FHIP1A: variants seen among roughly 807,000 people sequenced by gnomAD.
FHIP1A encodes the protein FHF complex subunit HOOK interacting protein 1A.
Under a neutral mutation model 88.6 loss-of-function variants are expected in FHIP1A, and 61 were observed. That is an observed-to-expected ratio of 0.69 (90% confidence interval 0.56 to 0.85). The LOEUF (loss-of-function observed/expected upper bound fraction) is 0.85. FHIP1A is among the 40% of genes least tolerant of loss of function. The probability of loss-of-function intolerance (pLI) is 0.00; values close to 1 mark genes in which losing one functional copy is unlikely to be tolerated. For synonymous variants in FHIP1A, 478 were observed against 496.0 expected (o/e 0.96, Z 0.48); for missense variants, 1,154 against 1,273.5 (o/e 0.91, Z 1.43).
chr4:151,623,423 T>C (rs1366749310), intron 7 of FHIP1A, among the ~76,000 whole-genome samples: 1 of 151,708 alleles, frequency 6.6e-6, no homozygotes, highest in African/African-American at 2.4e-5. Context: ...TCATTTTCTA[T>C]AAGGGAGGTT....
At chr4:151,517,139 C>T (rs550229609) in intron 3 of FHIP1A, among the ~76,000 whole-genome samples, 6 of 152,218 alleles carry the variant, frequency 3.9e-5, no homozygotes, top group South Asian at 2.1e-4. Flanking sequence ...ATGATGAGTT[C>T]GTGTCCTTTG....
chr4:151,598,279 A>T (rs1734727587), intron 7 of FHIP1A, among the ~76,000 whole-genome samples: 1 of 152,108 alleles, frequency 6.6e-6, no homozygotes, highest in African/African-American at 2.4e-5. Context: ...TCCCTTGGCT[A>T]GGGGAGCGAG....
At position 151,649,582 on chromosome 4, in the gene FHIP1A, G is replaced by C; in HGVS notation, c.1541G>C (p.Cys514Ser). The C allele has an allele frequency of 6.4e-7, 1 of 1,551,720 alleles. No homozygotes were observed. Among genetic ancestry groups the C allele is most frequent in the African/African-American group, 1.4e-5 (1 of 73,176 alleles). Residue 514 changes from cysteine to serine, a missense_variant, in exon 11 of 14, where the codon TGC becomes TCC. Physicochemically the swap from Cys to Ser is moderately radical, Grantham distance 112. Coordinates refer to ENST00000435205, the MANE Select transcript of FHIP1A (RefSeq NM_001109977.3). ...LWEAHTNILR[C>S]MRDCRVWSAL... is the part of the protein sequence containing the mutation. ...GAGGCCCACACCAACATCCTCCGCTGCATGAGGGACTGCCGTGTCTGGTCC... is the reference window on the plus strand; with the variant it reads ...GAGGCCCACACCAACATCCTCCGCTCCATGAGGGACTGCCGTGTCTGGTCC...
chr4:151,651,156 A>G (rs1193247840), intron 11 of FHIP1A, among the ~76,000 whole-genome samples: 1 of 152,180 alleles, frequency 6.6e-6, no homozygotes, highest in Non-Finnish European at 1.5e-5. Context: ...CAAAATCTTT[A>G]TCCAAAAATA....
At chr4:151,417,759 C>A (rs1227946998) in intron 1 of FHIP1A, among the ~76,000 whole-genome samples, 1 of 152,194 alleles carries the variant, frequency 6.6e-6, no homozygotes, top group African/African-American at 2.4e-5. Flanking sequence ...ATTGCTTATT[C>A]TCTAACACTA....
At chr4:151,425,251 A>G (rs1225721645) in intron 1 of FHIP1A, among the ~76,000 whole-genome samples, 1 of 152,228 alleles carries the variant, frequency 6.6e-6, no homozygotes, top group Non-Finnish European at 1.5e-5. Context: ...ATGTCAAACC[A>G]TACCATAAAG....
At chr4:151,600,744 G>A (rs1186900519) in intron 7 of FHIP1A, among the ~76,000 whole-genome samples, 2 of 152,026 alleles carry the variant, frequency 1.3e-5, no homozygotes, top group African/African-American at 4.8e-5. Context: ...CTTCCACACA[G>A]CCTCTCCACA....
intron 3 of FHIP1A, among the ~76,000 whole-genome samples, chr4:151,510,798 A>G (rs1465974045): frequency 6.6e-6 from 1 of 152,244 alleles, no homozygotes. Context: ...CTACAGTAGA[A>G]TCTGGATGAA....
intron 3 of FHIP1A, among the ~76,000 whole-genome samples, chr4:151,494,645 C>T (rs1197611412): frequency 6.6e-6 from 1 of 152,034 alleles, no homozygotes; most frequent in Non-Finnish European, 1.5e-5. Flanking sequence ...ATTTCCTTGG[C>T]CATTTGGGCT....
At chr4:151,526,357 C>T (rs1378503734) in intron 3 of FHIP1A, among the ~76,000 whole-genome samples, 2 of 151,832 alleles carry the variant, frequency 1.3e-5, no homozygotes, top group African/African-American at 4.8e-5. Flanking sequence ...CCCCTCACCT[C>T]CCAGACGAGG....
chr4:151,657,436 T>G (rs1318122498), intron 13 of FHIP1A, among the ~76,000 whole-genome samples: 1 of 151,602 alleles, frequency 6.6e-6, no homozygotes, highest in Non-Finnish European at 1.5e-5. Flanking sequence ...TGCCTTTTTA[T>G]GGGCTCTAGA....
intron 3 of FHIP1A, among the ~76,000 whole-genome samples, chr4:151,538,716 C>T (rs1560755913): frequency 1.3e-5 from 2 of 152,134 alleles, no homozygotes; most frequent in Admixed American, 6.5e-5. Flanking sequence ...CAAGTTATGG[C>T]GGAACTGTGT....
rs1174652631 is a variant in FHIP1A at position 151,656,854 on chromosome 4, T to C, written c.2825T>C (p.Phe942Ser). 6.4e-7 allele frequency: 1 copy of C among 1,551,610 alleles called. No homozygotes were observed. Residue 942 changes from phenylalanine to serine, a missense_variant, in exon 13 of 14, where the codon TTC (phenylalanine) becomes TCC (serine). Transcript: ENST00000435205. This position sits in a 1 kb window ranked among gnomAD's most constrained non-coding sequence, Gnocchi z 4.2. ...LLIQAQQYLL[F>S]RVDMSDMTPA... ...ATTCAAGCTCAGCAGTACCTGCTCT[T>C]CCGTGTGGACATGTCTGATATGACC... is the stretch of plus-strand genomic sequence containing the variant.
intron 9 of FHIP1A, among the ~76,000 whole-genome samples, chr4:151,638,980 A>G (rs1344376608): frequency 1.3e-5 from 2 of 152,214 alleles, no homozygotes; most frequent in Admixed American, 6.5e-5. Flanking sequence ...TTAGAGGGCC[A>G]TATGCATTAT....
At chr4:151,539,817 A>C (rs1188449617) in intron 3 of FHIP1A, among the ~76,000 whole-genome samples, 4 of 152,200 alleles carry the variant, frequency 2.6e-5, no homozygotes, top group Non-Finnish European at 5.9e-5. Flanking sequence ...CTGATGAAAT[A>C]TGTGTGTGAA....
chr4:151,412,627 C>G (rs1404897079), intron 1 of FHIP1A, among the ~76,000 whole-genome samples: 1 of 125,084 alleles, frequency 8.0e-6, no homozygotes, highest in Non-Finnish European at 1.7e-5. Flanking sequence ...TCCCTCCCTC[C>G]CTCCCTCCCT....
At chr4:151,615,986 G>T (rs543675218) in intron 7 of FHIP1A, among the ~76,000 whole-genome samples, 1 of 152,290 alleles carries the variant, frequency 6.6e-6, no homozygotes, top group African/African-American at 2.4e-5. Flanking sequence ...AGAATTTCCT[G>T]TGCAGGGTTC....
chr4:151,644,758 C>CTGCCT (rs2126901078), intron 9 of FHIP1A, among the ~76,000 whole-genome samples: 1 of 152,274 alleles, frequency 6.6e-6, no homozygotes, highest in East Asian at 1.9e-4. Flanking sequence ...TTTGTTGCTG[C>CTGCCT]TGCCTTCCCT....
chr4:151,495,548 T>C (rs954962765), intron 3 of FHIP1A, among the ~76,000 whole-genome samples: 10 of 151,086 alleles, frequency 6.6e-5, no homozygotes, highest in African/African-American at 2.4e-4. Context: ...AAGAAAGATA[T>C]TGAAGTTTTA....
Sources: allele counts gnomAD v4.1 joint callset (sites outside exome capture counted in the v4.1 genomes callset), GRCh38; gene constraint gnomAD v4.1.1; non-coding constraint Gnocchi (gnomAD v3.1); transcripts MANE v1.5; gene names NCBI Gene and HGNC (gene_info 2026-07-23, HGNC 2026-07-21).